Variants in STK4 observed in about 807,000 individuals in gnomAD.
The protein encoded by STK4 is serine/threonine kinase 4, also known as serine/threonine-protein kinase 4.
A neutral mutation model predicts 64.9 loss-of-function variants in STK4; 30 were observed. That is an observed-to-expected ratio of 0.46 (90% confidence interval 0.35 to 0.63). The LOEUF is 0.63. STK4 is among the 20% of genes least tolerant of loss of function. The probability of loss-of-function intolerance (pLI) is 0.01; values close to 1 mark genes in which losing one functional copy is unlikely to be tolerated. For missense variants in STK4, 466 were observed against 598.5 expected (o/e 0.78, Z 2.31); for synonymous variants, 177 against 199.0 (o/e 0.89, Z 0.93).
At chr20:45,043,738 A>G (rs946980592) in intron 10 of STK4, among the ~76,000 whole-genome samples, 2 of 152,240 alleles carry the variant, frequency 1.3e-5, no homozygotes, top group Admixed American at 6.5e-5. Context: ...AGTATAATGC[A>G]AATATTTCAA....
chr20:45,065,114 A>G (rs1979448488), intron 10 of STK4, among the ~76,000 whole-genome samples: 3 of 150,136 alleles, frequency 2.0e-5, no homozygotes, highest in Admixed American at 2.0e-4. Flanking sequence ...ATTTTGAAGT[A>G]GTTTCTTCAG....
intron 8 of STK4, 142 bp from the exon 9 acceptor site, chr20:45,001,025 G>A (rs534329310): frequency 2.7e-5 from 24 of 881,506 alleles, no homozygotes; most frequent in African/African-American, 2.5e-4. Context: ...AAGTAACAGC[G>A]CTTTCATTTC....
At chr20:45,018,888 C>T (rs1282606724) in intron 9 of STK4, among the ~76,000 whole-genome samples, 1 of 151,820 alleles carries the variant, frequency 6.6e-6, no homozygotes, top group Non-Finnish European at 1.5e-5. Context: ...CCACTATGCC[C>T]AGCTAATTTA....
intron 7 of STK4, among the ~76,000 whole-genome samples, chr20:45,000,070 T>C (rs990452442): frequency 1.3e-5 from 2 of 152,202 alleles, no homozygotes; most frequent in African/African-American, 2.4e-5. Flanking sequence ...TCACCAAACA[T>C]TGTGGCAGCT....
At chr20:44,971,981 A>G in intron 1 of STK4, 97 bp from the exon 2 acceptor site, 1 of 1,191,166 alleles carries the variant, frequency 8.4e-7, no homozygotes, top group South Asian at 1.3e-5. Flanking sequence ...CTGTATAGAG[A>G]AGTTCCTGAG....
intron 10 of STK4, among the ~76,000 whole-genome samples, chr20:45,029,774 A>C (rs1197692670): frequency 6.6e-6 from 1 of 152,188 alleles, no homozygotes; most frequent in Non-Finnish European, 1.5e-5. Context: ...TTACCCACTA[A>C]AGTTGTTCTA....
At chr20:45,029,520 C>G (rs1229554225) in intron 10 of STK4, among the ~76,000 whole-genome samples, 1 of 152,162 alleles carries the variant, frequency 6.6e-6, no homozygotes, top group African/African-American at 2.4e-5. Flanking sequence ...CAACAAAGAT[C>G]AAATGAAAAC....
rs1255307975 is a variant in STK4 at position 44,966,536 on chromosome 20, A to G, written c.-33A>G. 4 of 1,259,498 alleles carry G rather than the reference A, an allele frequency of 3.2e-6. No homozygotes were observed. The highest frequency in any genetic ancestry group is 3.1e-5 in the African/African-American group (2 of 64,532). The allele number at this position is 1,259,498 out of a possible 1,614,324, so 78.0% of individuals were successfully genotyped here. A position where few individuals can be genotyped will look rare whatever the true frequency, so the allele number is the denominator to read the frequency against. ...CAGGAGGTCCGCGGGAGGATGGAGCAGTGAGCGGGTCTGGGCGGCTGCTGG... is the reference window on the plus strand; with the variant it reads ...CAGGAGGTCCGCGGGAGGATGGAGCGGTGAGCGGGTCTGGGCGGCTGCTGG... On this transcript the variant is annotated 5_prime_UTR_variant, in exon 1 of 11. Coordinates refer to ENST00000372806, the MANE Select transcript of STK4 (RefSeq NM_006282.5).
intron 10 of STK4, among the ~76,000 whole-genome samples, chr20:45,057,541 A>T (rs571540413): frequency 4.5e-4 from 68 of 152,276 alleles, no homozygotes; most frequent in African/African-American, 1.6e-3. Flanking sequence ...GACCTGTGTT[A>T]TATACTAATC....
chr20:45,010,910 AT>A (rs2068032908), intron 9 of STK4, among the ~76,000 whole-genome samples: 1 of 152,138 alleles, frequency 6.6e-6, no homozygotes, highest in Non-Finnish European at 1.5e-5. Flanking sequence ...CTCTGAGGGA[AT>A]TTGTTTTGGA....
At chr20:45,028,279 C>T (rs1180276137) in intron 10 of STK4, among the ~76,000 whole-genome samples, 1 of 151,446 alleles carries the variant, frequency 6.6e-6, no homozygotes, top group African/African-American at 2.4e-5. Flanking sequence ...TTGTTATTTC[C>T]TGTCTTATTG....
intron 9 of STK4, among the ~76,000 whole-genome samples, chr20:45,022,116 G>T (rs369722580): frequency 6.6e-6 from 1 of 151,932 alleles, no homozygotes; most frequent in East Asian, 1.9e-4. Context: ...GAATTTTTCC[G>T]TTCTTCTGTC....
intron 10 of STK4, among the ~76,000 whole-genome samples, chr20:45,043,372 T>G (rs1309577354): frequency 6.6e-6 from 1 of 152,222 alleles, no homozygotes; most frequent in Non-Finnish European, 1.5e-5. Context: ...TGACTGTTCT[T>G]TTAGTGAAGA....
chr20:45,016,544 G>A (rs1448658804), intron 9 of STK4, among the ~76,000 whole-genome samples: 1 of 152,074 alleles, frequency 6.6e-6, no homozygotes, highest in Non-Finnish European at 1.5e-5. Context: ...CAGATGTTGG[G>A]CCCCCTTTTA....
intron 9 of STK4, among the ~76,000 whole-genome samples, chr20:45,014,488 A>G (rs1290859952): frequency 6.6e-6 from 1 of 152,214 alleles, no homozygotes; most frequent in Admixed American, 6.5e-5. Context: ...AAAGAATCCA[A>G]GCTTTCACAA....
intron 1 of STK4, among the ~76,000 whole-genome samples, chr20:44,971,665 C>CTTTTTTTTTTT (rs71197585): frequency 1.1e-5 from 1 of 90,364 alleles, no homozygotes; most frequent in African/African-American, 4.4e-5. Context: ...AGCCACATGA[C>CTTTTTTTTTTT]TTTTTTTTTT....
intron 9 of STK4, among the ~76,000 whole-genome samples, chr20:45,024,049 C>T (rs55674479): frequency 0.061 from 9,312 of 151,466 alleles, 955 homozygotes; most frequent in African/African-American, 0.21. Context: ...TACAGGCGCC[C>T]GCCACCACGC....
At chr20:44,976,923 T>C (rs1242438455) in intron 2 of STK4, among the ~76,000 whole-genome samples, 1 of 152,188 alleles carries the variant, frequency 6.6e-6, no homozygotes, top group African/African-American at 2.4e-5. Flanking sequence ...ATGGGCCTTC[T>C]TGTGTGCTTG....
At chr20:44,976,927 G>A (rs1047211882) in intron 2 of STK4, among the ~76,000 whole-genome samples, 5 of 152,178 alleles carry the variant, frequency 3.3e-5, no homozygotes, top group Admixed American at 6.5e-5. Context: ...GCCTTCTTGT[G>A]TGCTTGTCTC....
Sources: gnomAD v4.1 joint callset for allele counts (sites outside exome capture counted in the v4.1 genomes callset) on GRCh38, gnomAD v4.1.1 for gene constraint, MANE v1.5 for transcripts, NCBI Gene and HGNC (gene_info 2026-07-23, HGNC 2026-07-21) for gene names.